CDH12: variants seen among roughly 807,000 people sequenced by gnomAD.
The protein encoded by CDH12 is cadherin-12.
CDH12 carries 41 observed loss-of-function variants against 74.1 expected under a neutral mutation model. The ratio of observed to expected loss-of-function variants is 0.55; its 90% CI spans 0.43 to 0.72. CDH12 has a LOEUF of 0.72. Among genes scored for constraint, CDH12 ranks in the 30% least tolerant of loss-of-function variants. The pLI is 0.00. For missense variants in CDH12, 945 were observed against 977.2 expected (o/e 0.97, Z 0.44); for synonymous variants, 399 against 355.0 (o/e 1.12, Z -1.39).
intron 1 of CDH12, among the ~76,000 whole-genome samples, chr5:22,712,942 T>C (rs1743364101): frequency 6.6e-6 from 1 of 152,052 alleles, no homozygotes; most frequent in African/African-American, 2.4e-5. Context: ...AAATTTCCAC[T>C]AAATTAAATA....
intron 3 of CDH12, among the ~76,000 whole-genome samples, chr5:22,282,980 G>C (rs1736955494): frequency 6.6e-6 from 1 of 151,728 alleles, no homozygotes; most frequent in African/African-American, 2.4e-5. Flanking sequence ...CAAAGACTTG[G>C]AACCAACCCA....
intron 3 of CDH12, among the ~76,000 whole-genome samples, chr5:22,368,971 A>T (rs1393463730): frequency 1.3e-5 from 2 of 152,074 alleles, no homozygotes; most frequent in East Asian, 3.9e-4. Context: ...TCTACTAAAA[A>T]TACAAAAATT....
chr5:22,602,838 A>G (rs1295138995), intron 1 of CDH12, among the ~76,000 whole-genome samples: 4 of 152,172 alleles, frequency 2.6e-5, no homozygotes, highest in Non-Finnish European at 5.9e-5. Context: ...AGAATTATAA[A>G]TATTTGAATG....
At chr5:21,896,569 G>C (rs1329010190) in intron 6 of CDH12, among the ~76,000 whole-genome samples, 1 of 152,172 alleles carries the variant, frequency 6.6e-6, no homozygotes, top group Non-Finnish European at 1.5e-5. Context: ...GAACTTGAGA[G>C]ACCGAGTGTT....
At chr5:22,627,163 A>G (rs971848638) in intron 1 of CDH12, among the ~76,000 whole-genome samples, 28 of 152,180 alleles carry the variant, frequency 1.8e-4, no homozygotes, top group African/African-American at 6.5e-4. Context: ...TGAAAAACAT[A>G]TTTGAGGATA....
In CDH12 at chr5:22,262,424, C is replaced by G. The variant is rs1226504955; in HGVS notation, c.-332-49781G>C. Reference sequence around the variant, plus strand: ...GAGAATGATGATTTCCAATTTCATCCATGTCCCTACAAAGGACGTGAACTC... The same window carrying G: ...GAGAATGATGATTTCCAATTTCATCGATGTCCCTACAAAGGACGTGAACTC... On this transcript the variant is annotated intron_variant, in intron 3 of 14. Transcript: ENST00000382254. Among the ~76,000 whole-genome samples the G allele has an allele frequency of 2.6e-5, 4 of 151,848 alleles. No individual in the cohort carries two copies. In the South Asian group the frequency reaches 6.2e-4, roughly 24 times the overall value.
At chr5:22,774,422 T>C (rs538185723) in intron 1 of CDH12, among the ~76,000 whole-genome samples, 4 of 152,168 alleles carry the variant, frequency 2.6e-5, no homozygotes, top group South Asian at 2.1e-4. Context: ...GAGCTAAACA[T>C]TGGGTACACA....
chr5:22,371,241 A>T (rs986479589), intron 3 of CDH12, among the ~76,000 whole-genome samples: 7 of 152,170 alleles, frequency 4.6e-5, no homozygotes, highest in African/African-American at 1.7e-4. Context: ...TTGAACTCAG[A>T]CATGTTATGA....
At chr5:22,231,257 A>C (rs6452069) in intron 3 of CDH12, among the ~76,000 whole-genome samples, 140,835 of 152,064 alleles carry the variant, frequency 0.93, 65,523 homozygotes, top group Non-Finnish European at 0.97. Context: ...TAAATTAGAC[A>C]AAGGATTTTG....
chr5:21,897,364 A>G (rs1338555209), intron 6 of CDH12, among the ~76,000 whole-genome samples: 1 of 152,228 alleles, frequency 6.6e-6, no homozygotes, highest in Non-Finnish European at 1.5e-5. Flanking sequence ...TTTGCTTACA[A>G]AAAAATGTTT....
intron 1 of CDH12, among the ~76,000 whole-genome samples, chr5:22,790,757 T>C (rs1253074187): frequency 6.6e-6 from 1 of 152,132 alleles, no homozygotes; most frequent in Non-Finnish European, 1.5e-5. Context: ...AATACCTAAA[T>C]TGATGGAGCT....
chr5:22,125,715 C>G (rs1009043055), intron 4 of CDH12, among the ~76,000 whole-genome samples: 4 of 152,162 alleles, frequency 2.6e-5, no homozygotes, highest in Non-Finnish European at 5.9e-5. Flanking sequence ...CAAGTGAGTT[C>G]CATGTACACA....
At chr5:22,584,038 GC>G (rs1457738973) in intron 1 of CDH12, among the ~76,000 whole-genome samples, 1 of 150,774 alleles carries the variant, frequency 6.6e-6, no homozygotes, top group African/African-American at 2.4e-5. Flanking sequence ...GCTTTTTTTT[GC>G]TTTTGAATTT....
chr5:21,802,527 T>C, intron 9 of CDH12, 107 bp from the exon 10 acceptor site: 2 of 906,674 alleles, frequency 2.2e-6, no homozygotes, highest in South Asian at 1.7e-5. Flanking sequence ...ATTATACTGG[T>C]TTAAAATTTT....
At chr5:22,211,055 CTCTGG>C (rs1225137569) in intron 4 of CDH12, among the ~76,000 whole-genome samples, 2 of 152,148 alleles carry the variant, frequency 1.3e-5, no homozygotes. Flanking sequence ...TAGTTTACTC[CTCTGG>C]AAGAAGCACT....
intron 3 of CDH12, among the ~76,000 whole-genome samples, chr5:22,223,517 A>G (rs549745284): frequency 1.3e-5 from 2 of 152,054 alleles, no homozygotes; most frequent in South Asian, 4.1e-4. Context: ...TGATGGGAAC[A>G]TTCAGTAAAA....
chr5:22,096,590 G>A (rs1743795540), intron 4 of CDH12, among the ~76,000 whole-genome samples: 1 of 152,058 alleles, frequency 6.6e-6, no homozygotes, highest in Admixed American at 6.5e-5. Context: ...CCGGCTTACA[G>A]TTTCTTTCCG....
intron 3 of CDH12, among the ~76,000 whole-genome samples, chr5:22,327,534 A>G (rs954991452): frequency 3.9e-5 from 6 of 152,080 alleles, no homozygotes; most frequent in Admixed American, 6.6e-5. Flanking sequence ...ATCAATTTAC[A>G]TAAAATAAAC....
In CDH12 at chr5:22,696,539, AC is replaced by A. The variant is rs1249923036; in HGVS notation, c.-523+156518del. Among the ~76,000 whole-genome samples, 3 of 152,316 alleles carry A rather than the reference AC, an allele frequency of 2.0e-5. No homozygotes were observed. In the East Asian group the frequency reaches 5.8e-4, roughly 29 times the overall value. On this transcript the variant is annotated intron_variant, in intron 1 of 14. Coordinates refer to ENST00000382254, the MANE Select transcript of CDH12 (RefSeq NM_004061.5). ...TTTAGTATTAATACATGTTTTTAATACACTTTTAAAAAGACTAATATATATT... is the reference window on the plus strand; with the variant it reads ...TTTAGTATTAATACATGTTTTTAATAACTTTTAAAAAGACTAATATATATT...
Sources: allele counts gnomAD v4.1 joint callset (sites outside exome capture counted in the v4.1 genomes callset), GRCh38; gene constraint gnomAD v4.1.1; transcripts MANE v1.5; gene names NCBI Gene and HGNC (gene_info 2026-07-23, HGNC 2026-07-21).